The following JPH3 variants were observed in gnomAD, a reference collection of about 807,000 sequenced individuals.
JPH3 encodes the protein junctophilin-3.
JPH3 carries 11 observed loss-of-function variants against 59.6 expected under a neutral mutation model. That is an observed-to-expected ratio of 0.18 (90% CI 0.12 to 0.31). JPH3 has a LOEUF of 0.31. JPH3 is among the 10% of genes least tolerant of loss of function. JPH3 has a pLI of 1.00. For missense variants in JPH3, 1,202 were observed against 1,105.7 expected (o/e 1.09, Z -1.24); for synonymous variants, 673 against 483.6 (o/e 1.39, Z -5.14).
chr16:87,642,602 G>T (rs901125842), intron 1 of JPH3, among the ~76,000 whole-genome samples: 1 of 152,222 alleles, frequency 6.6e-6, no homozygotes, highest in Non-Finnish European at 1.5e-5. Context: ...GTGGTGGACG[G>T]ACTCTGTTCT....
intron 1 of JPH3, among the ~76,000 whole-genome samples, chr16:87,642,262 G>T (rs1368061283): frequency 6.6e-6 from 1 of 152,030 alleles, no homozygotes; most frequent in Non-Finnish European, 1.5e-5. Flanking sequence ...GGGGCAGTGG[G>T]GAGTGGAGGG....
At chr16:87,670,713 G>A (rs935415622) in intron 2 of JPH3, among the ~76,000 whole-genome samples, 20 of 152,244 alleles carry the variant, frequency 1.3e-4, no homozygotes, top group African/African-American at 4.6e-4. Flanking sequence ...GAAAAACCAC[G>A]GAAGTACATT....
rs1430794118 is a variant in JPH3 at position 87,644,577 on chromosome 16, G to A, written c.702G>A (p.Leu234=). ...GCAAGTCGGAGTCCAAGAGCAGCCT[G>A]GCCAGCCAACGCAGCAAGCAGAGCT... ...KLRKSESKSS[L]ASQRSKQSSF... Residue 234 remains leucine (L), a synonymous_variant, in exon 2 of 5, where the codon CTG becomes CTA. Transcript: ENST00000284262. 1 of 1,612,944 alleles carries A rather than the reference G, an allele frequency of 6.2e-7. No individual in the cohort carries two copies. Among genetic ancestry groups the A allele is most frequent in the East Asian group, 2.2e-5 (1 of 44,820 alleles).
At chr16:87,688,435 G>T (rs932222604) in intron 3 of JPH3, among the ~76,000 whole-genome samples, 1 of 150,900 alleles carries the variant, frequency 6.6e-6, no homozygotes, top group Non-Finnish European at 1.5e-5. Context: ...ACCGAGGGTA[G>T]CCATGTCTCC....
At chr16:87,635,117 G>A (rs2150838033) in intron 1 of JPH3, among the ~76,000 whole-genome samples, 1 of 152,308 alleles carries the variant, frequency 6.6e-6, no homozygotes, top group Non-Finnish European at 1.5e-5. Context: ...CCGCACATGA[G>A]TGAGTGTCTC....
At chr16:87,670,147 G>C (rs1169403818) in intron 2 of JPH3, among the ~76,000 whole-genome samples, 2 of 152,174 alleles carry the variant, frequency 1.3e-5, no homozygotes, top group African/African-American at 4.8e-5. Context: ...CAGAGGGTGA[G>C]GCGGGGTCTG....
chr16:87,670,868 C>T (rs62053822), intron 2 of JPH3, among the ~76,000 whole-genome samples: 2 of 151,454 alleles, frequency 1.3e-5, no homozygotes, highest in African/African-American at 2.4e-5. Flanking sequence ...GGAATGGGGA[C>T]GGGAGGGGGG....
Position 87,689,929 on chromosome 16 carries a change from C to T in JPH3, c.1569C>T (p.Ala523=), listed in dbSNP as rs190793959. Residue 523 remains alanine (A), a synonymous_variant, in exon 4 of 5, where the codon GCC becomes GCT. Transcript: ENST00000284262. The part of the protein sequence containing the change: ...GDIQMLLEGR[A]GDCARSSWGE... Reference sequence around the variant, plus strand: ...TCCAGATGCTCCTGGAGGGCCGGGCCGGGGACTGCGCCCGCAGCAGCTGGG... The same window carrying T: ...TCCAGATGCTCCTGGAGGGCCGGGCTGGGGACTGCGCCCGCAGCAGCTGGG... 8,279 of 1,450,586 alleles carry T rather than the reference C, an allele frequency of 5.7e-3. 29 individuals carry two copies. Among genetic ancestry groups the T allele is most frequent in the South Asian group, 6.6e-3 (455 of 68,902 alleles). The allele number at this position is 1,450,586 out of a possible 1,614,324, so 89.9% of individuals were successfully genotyped here. A position where few individuals can be genotyped will look rare whatever the true frequency, so the allele number is the denominator to read the frequency against.
At chr16:87,615,214 G>A (rs927327580) in intron 1 of JPH3, among the ~76,000 whole-genome samples, 2 of 152,244 alleles carry the variant, frequency 1.3e-5, no homozygotes, top group African/African-American at 4.8e-5. Context: ...GGGCCTAAGC[G>A]TGCCCAGATT....
chr16:87,690,272 G>C lies in JPH3; in HGVS notation c.1912G>C (p.Gly638Arg), dbSNP rs997510082. 1 of 1,602,242 alleles carries C rather than the reference G, an allele frequency of 6.2e-7. No homozygotes were observed. The highest frequency in any genetic ancestry group is 8.5e-7 in the Non-Finnish European group (1 of 1,174,888). ...CTACAGCAAGGGCGGCGCCTGCCGG[G>C]GCTTGGGGGACGACCACCGCCCCGA... ...RRYSKGGACR[G>R]LGDDHRPEDR... Residue 638 changes from glycine to arginine, a missense_variant, in exon 4 of 5, where the codon GGC (glycine) becomes CGC (arginine). Coordinates refer to ENST00000284262, the MANE Select transcript of JPH3 (RefSeq NM_020655.4).
chr16:87,638,397 G>C (rs1388492751), intron 1 of JPH3, among the ~76,000 whole-genome samples: 1 of 152,180 alleles, frequency 6.6e-6, no homozygotes, highest in Non-Finnish European at 1.5e-5. Context: ...TGGAGCACAG[G>C]GTGGGGGTGC....
At chr16:87,621,307 G>A (rs2031177033) in intron 1 of JPH3, among the ~76,000 whole-genome samples, 1 of 152,244 alleles carries the variant, frequency 6.6e-6, no homozygotes, top group Admixed American at 6.5e-5. Context: ...GGCAGGAGGA[G>A]GTGGCCACTC....
At chr16:87,693,141 T>G (rs1243106085) in intron 4 of JPH3, among the ~76,000 whole-genome samples, 1 of 152,206 alleles carries the variant, frequency 6.6e-6, no homozygotes, top group East Asian at 1.9e-4. Context: ...GCTTGCTTTC[T>G]CTCTGGCTGA....
intron 1 of JPH3, among the ~76,000 whole-genome samples, chr16:87,641,635 A>C (rs2031955776): frequency 6.6e-6 from 1 of 152,210 alleles, no homozygotes; most frequent in South Asian, 2.1e-4. Context: ...GCTCCTGGAG[A>C]AGCTGCCCTC....
chr16:87,627,531 G>A (rs1267774646), intron 1 of JPH3, among the ~76,000 whole-genome samples: 1 of 152,214 alleles, frequency 6.6e-6, no homozygotes, highest in Admixed American at 6.5e-5. Flanking sequence ...CTTTGGAGGT[G>A]GAGATTGTGG....
chr16:87,628,921 G>A (rs897130599), intron 1 of JPH3, among the ~76,000 whole-genome samples: 3 of 152,160 alleles, frequency 2.0e-5, no homozygotes, highest in Non-Finnish European at 2.9e-5. Flanking sequence ...GTCTACAGAT[G>A]AGCCCCACTT....
intron 2 of JPH3, among the ~76,000 whole-genome samples, chr16:87,671,755 C>T (rs2033021793): frequency 6.6e-6 from 1 of 152,182 alleles, no homozygotes; most frequent in Non-Finnish European, 1.5e-5. Flanking sequence ...TGGAGAACCC[C>T]CTTCCTCCCT....
Position 87,689,993 on chromosome 16 carries a change from G to T in JPH3, c.1633G>T (p.Gly545Cys). The T allele has an allele frequency of 1.3e-6, 2 of 1,492,820 alleles. No homozygotes were observed. Among genetic ancestry groups the T allele is most frequent in the Non-Finnish European group, 8.9e-7 (1 of 1,121,706 alleles). The allele number at this position is 1,492,820 out of a possible 1,614,324, so 92.5% of individuals were successfully genotyped here. A position where few individuals can be genotyped will look rare whatever the true frequency, so the allele number is the denominator to read the frequency against. Reference sequence around the variant, plus strand: ...CGGGGGCTCCAGGGGTGTCCGCAGCGGTGCCCTGCGCGGCGGCCTGCTCGT... The same window carrying T: ...CGGGGGCTCCAGGGGTGTCCGCAGCTGTGCCCTGCGCGGCGGCCTGCTCGT... The part of the protein sequence containing the change: ...QAGGSRGVRS[G>C]ALRGGLLVDD... The change falls in exon 4 of 5, where the codon GGT becomes TGT. Residue 545 changes from glycine to cysteine, a missense_variant. Gly to Cys is a radical substitution (Grantham distance 159). Coordinates refer to ENST00000284262, the MANE Select transcript of JPH3 (RefSeq NM_020655.4).
chr16:87,640,597 T>C (rs1390768231), intron 1 of JPH3, among the ~76,000 whole-genome samples: 3 of 152,074 alleles, frequency 2.0e-5, no homozygotes, highest in Admixed American at 6.5e-5. Context: ...TTCACTATGT[T>C]GGCCAGCGTG....
Sources: gnomAD v4.1 joint callset for allele counts (sites outside exome capture counted in the v4.1 genomes callset) on GRCh38, gnomAD v4.1.1 for gene constraint, MANE v1.5 for transcripts, NCBI Gene and HGNC (gene_info 2026-07-23, HGNC 2026-07-21) for gene names.